RREB1: variants seen among roughly 807,000 people sequenced by gnomAD.
RREB1 encodes ras responsive element binding protein 1.
RREB1 carries 27 observed loss-of-function variants against 117.8 expected under a neutral mutation model. The observed-to-expected ratio is 0.23, with a 90% CI of 0.17 to 0.32. The LOEUF (loss-of-function observed/expected upper bound fraction) is 0.32, where lower values mean the gene tolerates loss of function less well. RREB1 is among the 10% of genes least tolerant of loss of function. RREB1 has a pLI of 1.00. For synonymous variants in RREB1, 1,298 were observed against 1,026.7 expected (o/e 1.26, Z -5.05); for missense variants, 2,577 against 2,378.2 (o/e 1.08, Z -1.74).
chr6:7,191,277 A>C (rs1335418751), intron 6 of RREB1, among the ~76,000 whole-genome samples: 1 of 152,066 alleles, frequency 6.6e-6, no homozygotes, highest in African/African-American at 2.4e-5. Context: ...ATACCGTGTA[A>C]AGTGTGCACT....
Position 7,231,547 on chromosome 6 carries a change from T to C in RREB1, c.3448T>C (p.Ser1150Pro). 1 of 1,609,508 alleles carries C rather than the reference T, an allele frequency of 6.2e-7. No individual in the cohort carries two copies. Among genetic ancestry groups the C allele is most frequent in the South Asian group, 1.1e-5 (1 of 90,844 alleles). ...CACCGAGCAGGGCCCAGCGGGCACG[T>C]CGAAGAAGAGGGGCCGGAAAAGGGG... The part of the protein sequence containing the change: ...SPTEQGPAGT[S>P]KKRGRKRGMR... The change falls in exon 10 of 13, where the codon TCG becomes CCG. Residue 1150 changes from serine to proline, a missense_variant. By Grantham distance (74) the Ser-to-Pro change is moderately conservative. Transcript: ENST00000379938.
chr6:7,155,024 C>T (rs1763296325), intron 1 of RREB1, among the ~76,000 whole-genome samples: 2 of 152,020 alleles, frequency 1.3e-5, no homozygotes, highest in African/African-American at 2.4e-5. Context: ...ATAAATAGAA[C>T]GGGGTTGTTA....
chr6:7,238,594 A>G (rs1004574121), intron 10 of RREB1, among the ~76,000 whole-genome samples: 2 of 150,998 alleles, frequency 1.3e-5, no homozygotes, highest in African/African-American at 2.4e-5. Context: ...AACTAGTCAC[A>G]CTTTTTTTTT....
chr6:7,117,377 A>G (rs1433612397), intron 1 of RREB1, among the ~76,000 whole-genome samples: 1 of 136,002 alleles, frequency 7.4e-6, no homozygotes, highest in Non-Finnish European at 1.6e-5. Flanking sequence ...AACCATGTGA[A>G]TAGGTTTCCT....
chr6:7,248,973 C>T lies in RREB1; in HGVS notation c.*5C>T. ...CAGCTCGTGGGGATGGAGTGACAGC[C>T]TCAGTCCCCCTCAGCACAGACAAAA... On this transcript the variant is annotated 3_prime_UTR_variant, in exon 13 of 13. Coordinates refer to ENST00000379938, the MANE Select transcript of RREB1 (RefSeq NM_001003699.4). 6.8e-7 allele frequency: 1 copy of T among 1,466,138 alleles called. No homozygotes were observed. The highest frequency in any genetic ancestry group is 9.0e-7 in the Non-Finnish European group (1 of 1,114,014). 90.8% of individuals were successfully genotyped at this position (1,466,138 alleles called of 1,614,324 possible). A position where few individuals can be genotyped will look rare whatever the true frequency, so the allele number is the denominator to read the frequency against.
At chr6:7,134,716 A>G (rs1762281189) in intron 1 of RREB1, among the ~76,000 whole-genome samples, 1 of 152,214 alleles carries the variant, frequency 6.6e-6, no homozygotes, top group African/African-American at 2.4e-5. Flanking sequence ...TGATGAGCAA[A>G]TGAATAAGTG....
At chr6:7,239,889 C>T (rs1485310060) in intron 10 of RREB1, among the ~76,000 whole-genome samples, 1 of 152,222 alleles carries the variant, frequency 6.6e-6, no homozygotes, top group African/African-American at 2.4e-5. Context: ...TCACTGCTCC[C>T]GTTCCCCTGT....
intron 4 of RREB1, among the ~76,000 whole-genome samples, 184 bp from the exon 5 acceptor site, chr6:7,187,250 T>G (rs1765130423): frequency 1.3e-5 from 2 of 152,194 alleles, no homozygotes; most frequent in Non-Finnish European, 2.9e-5. Flanking sequence ...GTTTTTCCCA[T>G]CTTTCAAATG....
At chr6:7,148,249 G>A (rs1762960966) in intron 1 of RREB1, among the ~76,000 whole-genome samples, 1 of 152,096 alleles carries the variant, frequency 6.6e-6, no homozygotes, top group Admixed American at 6.5e-5. Context: ...ATACAGCCCT[G>A]GCCACCTTGT....
chr6:7,171,323 C>T (rs923881084), intron 1 of RREB1, among the ~76,000 whole-genome samples: 7 of 152,116 alleles, frequency 4.6e-5, no homozygotes, highest in African/African-American at 1.4e-4. Flanking sequence ...GAGAGCACTC[C>T]GCCTTCCTGC....
chr6:7,249,039 A>T lies in RREB1; in HGVS notation c.*71A>T. The T allele has an allele frequency of 8.9e-7, 1 of 1,118,190 alleles. No individual in the cohort carries two copies. Among genetic ancestry groups the T allele is most frequent in the Non-Finnish European group, 1.2e-6 (1 of 814,572 alleles). The allele number at this position is 1,118,190 out of a possible 1,614,324, so 69.3% of individuals were successfully genotyped here. On this transcript the variant is annotated 3_prime_UTR_variant, in exon 13 of 13. Transcript: ENST00000379938. ...CGTCTATACTTCATGGGGTTTCCTC[A>T]GTGCCCTTTGGCTGTTGAGGAGTGA... is the stretch of plus-strand genomic sequence containing the variant.
chr6:7,174,439 C>A (rs1009519158), intron 1 of RREB1, among the ~76,000 whole-genome samples: 4 of 152,036 alleles, frequency 2.6e-5, no homozygotes, highest in Admixed American at 1.3e-4. Context: ...TGTGTGCTTC[C>A]AGGACGCTAC....
At chr6:7,193,147 A>G (rs1765497215) in intron 6 of RREB1, among the ~76,000 whole-genome samples, 1 of 152,178 alleles carries the variant, frequency 6.6e-6, no homozygotes, top group Non-Finnish European at 1.5e-5. Flanking sequence ...AATTCATTCT[A>G]TTAATTTGTT....
chr6:7,222,160 A>G (rs1767299054), intron 8 of RREB1, among the ~76,000 whole-genome samples: 1 of 152,220 alleles, frequency 6.6e-6, no homozygotes, highest in Admixed American at 6.5e-5. Flanking sequence ...GTTTCTAGAT[A>G]GCAGATTCTC....
At chr6:7,205,705 G>T (rs2113604857) in intron 6 of RREB1, among the ~76,000 whole-genome samples, 1 of 152,298 alleles carries the variant, frequency 6.6e-6, no homozygotes, top group Non-Finnish European at 1.5e-5. Context: ...GGATTGGTCT[G>T]TCTCCCTGGA....
rs1029421003 is a variant in RREB1 at position 7,229,154 on chromosome 6, C to T, written c.1055C>T (p.Pro352Leu). The change falls in exon 10 of 13, where the codon CCC (proline) becomes CTC (leucine). Residue 352 changes from proline (P) to leucine (L), a missense_variant. Transcript: ENST00000379938. This position sits in a 1 kb window ranked among gnomAD's most constrained non-coding sequence, Gnocchi z 4.5. The part of the protein sequence containing the change: ...DQGQEKPQAT[P>L]LPGDALDQKG... The stretch of plus-strand genomic sequence containing the variant: ...GGTCAAGAAAAGCCGCAGGCCACGC[C>T]CCTGCCTGGTGACGCCCTGGACCAG... The T allele has an allele frequency of 6.8e-6, 11 of 1,610,522 alleles. No homozygotes were observed. In the South Asian group the frequency reaches 1.2e-4, roughly 18 times the overall value.
At chr6:7,157,937 C>T (rs1431263813) in intron 1 of RREB1, among the ~76,000 whole-genome samples, 1 of 152,134 alleles carries the variant, frequency 6.6e-6, no homozygotes, top group African/African-American at 2.4e-5. Context: ...GCCCCTGTTG[C>T]TGTGCCTGTG....
intron 2 of RREB1, among the ~76,000 whole-genome samples, chr6:7,177,012 T>C (rs1561762656): frequency 6.6e-6 from 1 of 151,786 alleles, no homozygotes; most frequent in South Asian, 2.1e-4. Context: ...AGGCCAGGCA[T>C]TCAAGACCAG....
At chr6:7,226,724 A>C in intron 9 of RREB1, 68 bp downstream of exon 9, 1 of 1,205,462 alleles carries the variant, frequency 8.3e-7, no homozygotes, top group East Asian at 2.5e-5. Flanking sequence ...AGACCATGGG[A>C]ACTTCCTCTC....
Sources: allele counts gnomAD v4.1 joint callset (sites outside exome capture counted in the v4.1 genomes callset), GRCh38; gene constraint gnomAD v4.1.1; non-coding constraint Gnocchi (gnomAD v3.1); transcripts MANE v1.5; gene names NCBI Gene and HGNC (gene_info 2026-07-23, HGNC 2026-07-21).